MDFIC2: variants seen among roughly 807,000 people sequenced by gnomAD.
The protein encoded by MDFIC2 is MyoD family inhibitor domain containing 2.
chr3:70,208,452 G>A (rs1013479771), intron 2 of MDFIC2, among the ~76,000 whole-genome samples: 4 of 152,032 alleles, frequency 2.6e-5, no homozygotes, highest in Non-Finnish European at 5.9e-5. Context: ...AAGGCAATGG[G>A]TTCTAGACTT....
At chr3:70,292,000 A>G (rs933149592) in intron 2 of MDFIC2, 2 of 152,230 alleles carry the variant, frequency 1.3e-5, no homozygotes, top group East Asian at 1.9e-4. Context: ...CATATACAAG[A>G]CACGATGGTT....
At chr3:70,225,478 C>A (rs1036048159) in intron 2 of MDFIC2, among the ~76,000 whole-genome samples, 30 of 152,136 alleles carry the variant, frequency 2.0e-4, no homozygotes, top group African/African-American at 7.2e-4. Flanking sequence ...ATATCTACCT[C>A]CCACTCTTTT....
chr3:70,240,338 T>C (rs1229894529), intron 2 of MDFIC2, among the ~76,000 whole-genome samples: 1 of 148,800 alleles, frequency 6.7e-6, no homozygotes, highest in Non-Finnish European at 1.5e-5. Context: ...ACCAATTACT[T>C]TTTTTTTTTA....
chr3:70,290,888 G>A (rs144795557), intron 2 of MDFIC2, among the ~76,000 whole-genome samples: 2,043 of 152,254 alleles, frequency 0.013, 35 homozygotes, highest in African/African-American at 0.046. Flanking sequence ...TGCGCTTCCC[G>A]AGTGAGGCAA....
intron 2 of MDFIC2, among the ~76,000 whole-genome samples, chr3:70,266,048 G>GA (rs1701914036): frequency 6.6e-6 from 1 of 152,148 alleles, no homozygotes; most frequent in South Asian, 2.1e-4. Flanking sequence ...TGCTTATTCA[G>GA]AAAAGAGAAT....
chr3:70,285,995 C>A (rs1702158355), intron 2 of MDFIC2, among the ~76,000 whole-genome samples: 1 of 151,288 alleles, frequency 6.6e-6, no homozygotes, highest in Non-Finnish European at 1.5e-5. Context: ...AAATTTTCTC[C>A]CATTTTGTAG....
intron 2 of MDFIC2, among the ~76,000 whole-genome samples, chr3:70,216,232 A>G (rs1442169851): frequency 6.6e-6 from 1 of 150,424 alleles, no homozygotes; most frequent in Non-Finnish European, 1.5e-5. Context: ...TCCATATACA[A>G]TTAGAATATA....
rs117329973 is a variant in MDFIC2, at chr3:70,263,925, G to A, written c.88+47961C>T. Among the ~76,000 whole-genome samples the A allele has an allele frequency of 2.0e-5, 3 of 152,216 alleles. No individual in the cohort carries two copies. The East Asian group carries it at 5.8e-4, about 29-fold the overall frequency. On this transcript the variant is annotated intron_variant, in intron 2 of 3. Coordinates refer to ENST00000567252, the MANE Select transcript of MDFIC2 (RefSeq NM_001364677.1). Reference sequence around the variant, plus strand: ...TTGCTGTTGTCCAATATCTCAAATGGTTGTTGAATACATTATTTCTAGTTC... The same window carrying A: ...TTGCTGTTGTCCAATATCTCAAATGATTGTTGAATACATTATTTCTAGTTC...
intron 2 of MDFIC2, among the ~76,000 whole-genome samples, chr3:70,299,446 C>T (rs372602758): frequency 2.0e-5 from 3 of 151,960 alleles, no homozygotes; most frequent in Non-Finnish European, 4.4e-5. Flanking sequence ...AGATAACTTA[C>T]GTAAAGCCAC....
chr3:70,289,014 G>A (rs184681115), intron 2 of MDFIC2, among the ~76,000 whole-genome samples: 2 of 152,068 alleles, frequency 1.3e-5, no homozygotes, highest in East Asian at 1.9e-4. Context: ...TCTTTATCCA[G>A]TTTGCCAGTC....
chr3:70,209,113 A>G (rs1011363063), intron 2 of MDFIC2, among the ~76,000 whole-genome samples: 6 of 152,078 alleles, frequency 3.9e-5, no homozygotes, highest in African/African-American at 1.4e-4. Context: ...TTGGGTATCA[A>G]GGCATCCAGT....
chr3:70,254,727 T>C (rs1309477614), intron 2 of MDFIC2, among the ~76,000 whole-genome samples: 2 of 152,200 alleles, frequency 1.3e-5, no homozygotes, highest in African/African-American at 2.4e-5. Flanking sequence ...AGTTCTGTCA[T>C]GACGCACTCT....
At chr3:70,297,478 C>A (rs922516444) in intron 2 of MDFIC2, among the ~76,000 whole-genome samples, 1 of 151,852 alleles carries the variant, frequency 6.6e-6, no homozygotes, top group Non-Finnish European at 1.5e-5. Flanking sequence ...TTACTAATGA[C>A]AAATTTATAT....
intron 2 of MDFIC2, among the ~76,000 whole-genome samples, chr3:70,215,202 T>C (rs1304908139): frequency 6.6e-6 from 1 of 152,114 alleles, no homozygotes; most frequent in Admixed American, 6.6e-5. Flanking sequence ...CATTATTACA[T>C]GAATGAGGAA....
At chr3:70,198,202 T>C (rs1047706150) in intron 3 of MDFIC2, among the ~76,000 whole-genome samples, 2 of 152,162 alleles carry the variant, frequency 1.3e-5, no homozygotes, top group Admixed American at 6.5e-5. Context: ...CATTCTAGCA[T>C]GAATTAGAGA....
At chr3:70,266,960 T>C (rs1048012939) in intron 2 of MDFIC2, among the ~76,000 whole-genome samples, 1 of 152,174 alleles carries the variant, frequency 6.6e-6, no homozygotes. Context: ...CTGAGGAGCC[T>C]TCACATATGA....
At chr3:70,225,985 T>C (rs747446109) in intron 2 of MDFIC2, among the ~76,000 whole-genome samples, 1 of 152,170 alleles carries the variant, frequency 6.6e-6, no homozygotes, top group East Asian at 1.9e-4. Flanking sequence ...GGATGAGACA[T>C]ATTGCCTTAA....
intron 2 of MDFIC2, among the ~76,000 whole-genome samples, chr3:70,276,790 A>G (rs1414038326): frequency 6.6e-6 from 1 of 152,242 alleles, no homozygotes. Context: ...GACAAAGACT[A>G]CATGGCCCAC....
At chr3:70,213,322 G>A (rs1229764579) in intron 2 of MDFIC2, among the ~76,000 whole-genome samples, 1 of 152,054 alleles carries the variant, frequency 6.6e-6, no homozygotes, top group Non-Finnish European at 1.5e-5. Context: ...TTTTTCTTGT[G>A]AGCAGTAAAC....
Sources: allele counts gnomAD v4.1 joint callset (sites outside exome capture counted in the v4.1 genomes callset), GRCh38; gene constraint gnomAD v4.1.1; transcripts MANE v1.5; gene names NCBI Gene and HGNC (gene_info 2026-07-23, HGNC 2026-07-21).